Variants in EPHB1 observed in about 807,000 individuals in gnomAD.
The protein encoded by EPHB1 is ephrin type-B receptor 1.
A neutral mutation model predicts 94.4 loss-of-function variants in EPHB1; 30 were observed. The observed-to-expected ratio is 0.32, with a 90% confidence interval of 0.24 to 0.43. The LOEUF is 0.43. Ranked by LOEUF, EPHB1 falls within the 20% of genes least tolerant of loss-of-function variation. The pLI, the probability that EPHB1 is intolerant of heterozygous loss-of-function variation, is 1.00. For synonymous variants in EPHB1, 522 were observed against 489.1 expected (o/e 1.07, Z -0.89); for missense variants, 1,055 against 1,308.3 (o/e 0.81, Z 2.99).
chr3:135,143,314 G>A (rs1940893005), intron 5 of EPHB1, among the ~76,000 whole-genome samples: 2 of 152,180 alleles, frequency 1.3e-5, no homozygotes, highest in South Asian at 2.1e-4. Context: ...GCTGCTCTGA[G>A]GAGGAGGGGC....
chr3:135,179,754 A>G (rs1942102024), intron 9 of EPHB1, 106 bp from the exon 10 acceptor site: 1 of 1,384,550 alleles, frequency 7.2e-7, no homozygotes, highest in Non-Finnish European at 1.0e-6. Context: ...CCTGGTGTGT[A>G]GGAGAGCTCC....
rs575344443 is a variant in EPHB1, at chr3:135,079,628, C to T, written c.806-26820C>T. On this transcript the variant is annotated intron_variant, in intron 3 of 15. Coordinates refer to ENST00000398015, the MANE Select transcript of EPHB1 (RefSeq NM_004441.5). ...GGAGTCCTGCCGTCCTGAGCTCCCT[C>T]GTGGCAGCTCTCCTTCTCTTTCTCT... Among the ~76,000 whole-genome samples the T allele has an allele frequency of 5.3e-5, 8 of 152,290 alleles. No individual in the cohort carries two copies. The East Asian group carries it at 7.7e-4, about 15-fold the overall frequency.
rs2107715770 is a variant in EPHB1 at position 134,951,672 on chromosome 3, C to A, written c.425C>A (p.Ala142Glu). 6.2e-7 allele frequency: 1 copy of A among 1,614,044 alleles called. No individual in the cohort carries two copies. Among genetic ancestry groups the A allele is most frequent in the South Asian group, 1.1e-5 (1 of 91,070 alleles). Reference sequence around the variant, plus strand: ...TACCTCAAAGTAGACACCATTGCTGCAGATGAGAGCTTCTCCCAGGTGGAC... The same window carrying A: ...TACCTCAAAGTAGACACCATTGCTGAAGATGAGAGCTTCTCCCAGGTGGAC... ...APYLKVDTIAADESFSQVDFG... is the reference protein window; with the variant it reads ...APYLKVDTIAEDESFSQVDFG... The change falls in exon 3 of 16, where the codon GCA becomes GAA. Residue 142 changes from alanine (A) to glutamate (E), a missense_variant. Physicochemically the swap from Ala to Glu is moderately radical, Grantham distance 107. Transcript: ENST00000398015. This position sits in a 1 kb window ranked among gnomAD's most constrained non-coding sequence, Gnocchi z 4.5.
intron 6 of EPHB1, among the ~76,000 whole-genome samples, chr3:135,154,573 T>A (rs1941295007): frequency 6.6e-6 from 1 of 152,198 alleles, no homozygotes; most frequent in Non-Finnish European, 1.5e-5. Flanking sequence ...TTTGATATAC[T>A]AATGCAGATG....
chr3:134,847,893 G>T (rs540554386), intron 1 of EPHB1, among the ~76,000 whole-genome samples: 41 of 152,222 alleles, frequency 2.7e-4, no homozygotes, highest in Admixed American at 5.9e-4. Flanking sequence ...CGTTTAGATT[G>T]TGTGGTGCTG....
At position 134,795,577 on chromosome 3, in the gene EPHB1, C is replaced by A; in HGVS notation, c.-55C>A. On this transcript the variant is annotated 5_prime_UTR_variant, in exon 1 of 16. Coordinates refer to ENST00000398015, the MANE Select transcript of EPHB1 (RefSeq NM_004441.5). ...CGCAGCGGCGCCCTGGGACGCGGCGCTCTCCCGGCGCTGCTGCCTCGGCTT... is the reference window on the plus strand; with the variant it reads ...CGCAGCGGCGCCCTGGGACGCGGCGATCTCCCGGCGCTGCTGCCTCGGCTT... The A allele has an allele frequency of 6.4e-7, 1 of 1,566,696 alleles. No homozygotes were observed. The highest frequency in any genetic ancestry group is 8.7e-7 in the Non-Finnish European group (1 of 1,149,282).
At chr3:134,963,538 G>A (rs917788845) in intron 3 of EPHB1, among the ~76,000 whole-genome samples, 1 of 152,148 alleles carries the variant, frequency 6.6e-6, no homozygotes, top group Non-Finnish European at 1.5e-5. Context: ...AGCAGTGACG[G>A]TGTGCTAGAT....
chr3:134,839,370 T>G (rs1251833811), intron 1 of EPHB1, among the ~76,000 whole-genome samples: 1 of 152,086 alleles, frequency 6.6e-6, no homozygotes, highest in Non-Finnish European at 1.5e-5. Context: ...ACTTTTAGAG[T>G]CTGTTCCTTT....
chr3:134,860,813 AAAAAAG>A (rs1447018974), intron 1 of EPHB1, among the ~76,000 whole-genome samples: 1 of 151,814 alleles, frequency 6.6e-6, no homozygotes, highest in Non-Finnish European at 1.5e-5. Context: ...AAAAAAAAAA[AAAAAAG>A]ATTTCTTGAC....
At chr3:135,074,647 G>A (rs939188388) in intron 3 of EPHB1, among the ~76,000 whole-genome samples, 1 of 152,194 alleles carries the variant, frequency 6.6e-6, no homozygotes, top group Non-Finnish European at 1.5e-5. Context: ...TGATCCACAG[G>A]CAATTGCACT....
chr3:135,134,456 G>A (rs1576416045), intron 5 of EPHB1, among the ~76,000 whole-genome samples: 2 of 152,212 alleles, frequency 1.3e-5, no homozygotes, highest in Middle Eastern at 6.8e-3. Context: ...GAGCATGTCT[G>A]TCCAGATGGC....
intron 3 of EPHB1, among the ~76,000 whole-genome samples, chr3:134,992,419 GCCT>G (rs1169869310): frequency 6.6e-6 from 1 of 152,204 alleles, no homozygotes; most frequent in African/African-American, 2.4e-5. Flanking sequence ...ACATTGCCAA[GCCT>G]CCGGTCAGTA....
In EPHB1 at chr3:135,191,885, A is replaced by G. The variant is rs558023505; in HGVS notation, c.1883-691A>G. The stretch of plus-strand genomic sequence containing the variant: ...AGCTCTTCCCAGCAGCCCCCAGCCA[A>G]TGACTGAGCATGGCAGGGATGTGAG... On this transcript the variant is annotated intron_variant, in intron 10 of 15. Coordinates refer to ENST00000398015, the MANE Select transcript of EPHB1 (RefSeq NM_004441.5). 2.0e-5 allele frequency among the ~76,000 whole-genome samples: 3 copies of G among 152,340 alleles called. No individual in the cohort carries two copies. The East Asian group carries it at 5.8e-4, about 29-fold the overall frequency.
chr3:134,864,930 A>G lies in EPHB1; in HGVS notation c.59-60886A>G, dbSNP rs141167887. ...TGGAGTCCCTGAATGGGCCTCTAAGAGGTCAGGGAACTGAGATGCTATGTG... is the reference window on the plus strand; with the variant it reads ...TGGAGTCCCTGAATGGGCCTCTAAGGGGTCAGGGAACTGAGATGCTATGTG... On this transcript the variant is annotated intron_variant, in intron 1 of 15. Coordinates refer to ENST00000398015, the MANE Select transcript of EPHB1 (RefSeq NM_004441.5). Among the ~76,000 whole-genome samples the G allele has an allele frequency of 2.0e-3, 304 of 152,326 alleles. 2 individuals carry two copies. In the East Asian group the frequency reaches 0.033, roughly 16 times the overall value.
intron 3 of EPHB1, among the ~76,000 whole-genome samples, chr3:135,001,872 C>T (rs1354835379): frequency 2.0e-5 from 3 of 152,138 alleles, no homozygotes; most frequent in Admixed American, 6.5e-5. Flanking sequence ...AACTAGTCTC[C>T]TATTAATAGT....
chr3:135,245,894 G>T (rs1489980473), intron 13 of EPHB1, among the ~76,000 whole-genome samples: 3 of 151,352 alleles, frequency 2.0e-5, no homozygotes, highest in African/African-American at 7.3e-5. Flanking sequence ...AGTTACATTC[G>T]GTCTAGAGCT....
At chr3:134,915,598 G>A (rs564081203) in intron 1 of EPHB1, among the ~76,000 whole-genome samples, 1 of 152,186 alleles carries the variant, frequency 6.6e-6, no homozygotes, top group African/African-American at 2.4e-5. Context: ...AAGGCGGCGT[G>A]TCTGGACTTT....
Position 134,965,320 on chromosome 3 carries a change from C to A in EPHB1, c.805+13268C>A, listed in dbSNP as rs148496103. Among the ~76,000 whole-genome samples, 308 of 152,352 alleles carry A rather than the reference C, an allele frequency of 2.0e-3. 1 individual carries two copies. Among genetic ancestry groups the A allele is most frequent in the African/African-American group, 7.1e-3 (295 of 41,582 alleles). On this transcript the variant is annotated intron_variant, in intron 3 of 15. Transcript: ENST00000398015. ...TTTACATACCTGATGAGAGTGACTG[C>A]TTCCACCTTGCAGGATGACATGTTC...
intron 1 of EPHB1, among the ~76,000 whole-genome samples, chr3:134,797,796 C>G (rs1282357369): frequency 6.6e-6 from 1 of 152,140 alleles, no homozygotes; most frequent in Non-Finnish European, 1.5e-5. Context: ...CAGGAAGGAG[C>G]CTGACTCTGT....
Sources: gnomAD v4.1 joint callset for allele counts (sites outside exome capture counted in the v4.1 genomes callset) on GRCh38, gnomAD v4.1.1 for gene constraint, Gnocchi (gnomAD v3.1) non-coding constraint, MANE v1.5 for transcripts, NCBI Gene and HGNC (gene_info 2026-07-23, HGNC 2026-07-21) for gene names.